Variants in MAST2 observed in about 807,000 individuals in gnomAD.
The protein encoded by MAST2 is microtubule associated serine/threonine kinase 2.
A neutral mutation model predicts 147.4 loss-of-function variants in MAST2; 70 were observed. The ratio of observed to expected loss-of-function variants is 0.47; its 90% CI spans 0.39 to 0.58. MAST2 has a LOEUF of 0.58. Among genes scored for constraint, MAST2 ranks in the 20% least tolerant of loss-of-function variants. The pLI is 0.00. For synonymous variants in MAST2, 869 were observed against 896.8 expected (o/e 0.97, Z 0.55); for missense variants, 2,080 against 2,302.3 (o/e 0.90, Z 1.98).
intron 8 of MAST2, among the ~76,000 whole-genome samples, chr1:46,007,378 C>T (rs1326073980): frequency 1.3e-5 from 2 of 152,210 alleles, no homozygotes; most frequent in Non-Finnish European, 2.9e-5. Context: ...CAGTGCCTTT[C>T]TCTGTGTCAC....
At chr1:45,987,784 T>TTTTTTTTTTTTTTTTTTTTTTTTTC (rs1209770828) in intron 5 of MAST2, among the ~76,000 whole-genome samples, 1 of 140,572 alleles carries the variant, frequency 7.1e-6, no homozygotes, top group South Asian at 2.3e-4. Context: ...TTGATTTTTT[T>TTTTTTTTTTTTTTTTTTTTTTTTTC]TTTTTTTTTT....
At chr1:45,992,477 G>T (rs1426264817) in intron 5 of MAST2, among the ~76,000 whole-genome samples, 1 of 152,080 alleles carries the variant, frequency 6.6e-6, no homozygotes, top group East Asian at 1.9e-4. Context: ...TTCATAAGAG[G>T]TATTGGTCTG....
At chr1:45,956,474 T>G (rs1659677571) in intron 4 of MAST2, among the ~76,000 whole-genome samples, 1 of 152,188 alleles carries the variant, frequency 6.6e-6, no homozygotes, top group Non-Finnish European at 1.5e-5. Context: ...TTTCACAAAA[T>G]CCAGCATTTC....
intron 7 of MAST2, among the ~76,000 whole-genome samples, chr1:46,005,705 A>C (rs1032103203): frequency 2.0e-5 from 3 of 152,198 alleles, no homozygotes; most frequent in African/African-American, 7.2e-5. Flanking sequence ...TGCCTGCTGG[A>C]CATCAGGCCA....
intron 4 of MAST2, among the ~76,000 whole-genome samples, chr1:45,950,868 G>T (rs1171587688): frequency 1.3e-5 from 2 of 152,098 alleles, no homozygotes; most frequent in African/African-American, 2.4e-5. Flanking sequence ...GACTGCTTGA[G>T]CCCAGGAGTT....
intron 4 of MAST2, among the ~76,000 whole-genome samples, chr1:45,953,412 G>C (rs1659216328): frequency 6.6e-6 from 1 of 152,114 alleles, no homozygotes; most frequent in African/African-American, 2.4e-5. Context: ...AACCTCCTAT[G>C]CCCTGTGTAC....
At position 46,029,972 on chromosome 1, in the gene MAST2, G is replaced by T. The variant is rs1194217403; in HGVS notation, c.2443+19G>T. The T allele has an allele frequency of 1.2e-6, 2 of 1,613,584 alleles. No homozygotes were observed. Among genetic ancestry groups the T allele is most frequent in the Admixed American group, 1.7e-5 (1 of 59,986 alleles). On this transcript the variant is annotated intron_variant, in intron 20 of 28. Transcript: ENST00000361297. ...TTTGACAGTAAGGCCACCGATGGGT[G>T]GGGTGGAGGATGGGTCCTACCTGTT... is the stretch of plus-strand genomic sequence containing the variant.
intron 3 of MAST2, among the ~76,000 whole-genome samples, chr1:45,882,012 T>TTAAAA (rs1326093758): frequency 2.5e-5 from 1 of 39,834 alleles, no homozygotes; most frequent in Non-Finnish European, 4.7e-5. Context: ...CCGTCTCTAC[T>TTAAAA]AAAAAAAAAA....
At chr1:46,010,645 T>G (rs1456715664) in intron 9 of MAST2, 85 bp from the exon 10 acceptor site, 2 of 1,166,036 alleles carry the variant, frequency 1.7e-6, no homozygotes, top group Non-Finnish European at 2.5e-6. Flanking sequence ...GAGCCCATTA[T>G]TTTGCTATTT....
rs11312369 is a variant in MAST2 at position 45,933,585 on chromosome 1, CAAAAAAA to C, written c.501-25788_501-25782del. 1.7e-4 allele frequency among the ~76,000 whole-genome samples: 17 copies of C among 102,270 alleles called. No individual in the cohort carries two copies. In the East Asian group the frequency reaches 4.1e-3, roughly 25 times the overall value. 67.1% of individuals were successfully genotyped at this position (102,270 alleles called of 152,430 possible). A position where few individuals can be genotyped will look rare whatever the true frequency, so the allele number is the denominator to read the frequency against. On this transcript the variant is annotated intron_variant, in intron 4 of 28. Transcript: ENST00000361297. Reference sequence around the variant, plus strand: ...TGAAAACCCGTCTCTACTAAAAATGCAAAAAAAAAAAAAAAAAAATTAGCTGGGCATG... The same window carrying C: ...TGAAAACCCGTCTCTACTAAAAATGCAAAAAAAAAAAATTAGCTGGGCATG...
At position 46,022,894 on chromosome 1, in the gene MAST2, G is replaced by C. The variant is rs767005088; in HGVS notation, c.1424-16G>C. 1 of 1,609,168 alleles carries C rather than the reference G, an allele frequency of 6.2e-7. No individual in the cohort carries two copies. Among genetic ancestry groups the C allele is most frequent in the South Asian group, 1.1e-5 (1 of 90,954 alleles). The stretch of plus-strand genomic sequence containing the variant: ...ACATTGCCACGCACATTCTTCTCTT[G>C]TATCTTTGTTTCCAGAAATGGCCCA... On this transcript the variant is annotated splice_polypyrimidine_tract_variant and intron_variant, in intron 12 of 28. Coordinates refer to ENST00000361297, the MANE Select transcript of MAST2 (RefSeq NM_015112.3).
rs1646889593 is a variant in MAST2, at chr1:46,035,951, G to T, written c.5282G>T (p.Gly1761Val). The stretch of plus-strand genomic sequence containing the variant: ...AGAAGGCAGGACGTTCCATGCCGAG[G>T]CTGCCCCCTCACCCAGAAGTCTGAG... ...GDRRQDVPCR[G>V]CPLTQKSEPS... Residue 1761 changes from glycine (G) to valine (V), a missense_variant, in exon 29 of 29, where the codon GGC (glycine) becomes GTC (valine). Around this residue, in one of 4 missense-constraint regions of MAST2, gnomAD observed 1,278 missense variants for 1,304.2 expected, o/e 0.98. Transcript: ENST00000361297. The surrounding 1 kb of genome is among the most constrained non-coding windows in gnomAD (Gnocchi z 5.5). 1.2e-6 allele frequency: 2 copies of T among 1,613,848 alleles called. No individual in the cohort carries two copies. The highest frequency in any genetic ancestry group is 3.3e-5 in the Admixed American group (2 of 60,002).
rs572061799 is a variant in MAST2, at chr1:45,832,193, AAAAC to A, written c.468+2627_468+2630del. ...GCTTCCCTTTTAACCTCTGGAACCT[AAAAC>A]AAACAAACAAACAAGCAAAAATGGA... On this transcript the variant is annotated intron_variant, in intron 3 of 28. Transcript: ENST00000361297. Among the ~76,000 whole-genome samples, 107 of 152,216 alleles carry A rather than the reference AAAAC, an allele frequency of 7.0e-4. 1 individual carries two copies. The highest frequency in any genetic ancestry group is 2.3e-3 in the African/African-American group (96 of 41,530).
intron 5 of MAST2, among the ~76,000 whole-genome samples, chr1:45,971,020 C>T (rs1454353058): frequency 1.3e-5 from 2 of 152,078 alleles, no homozygotes; most frequent in Non-Finnish European, 2.9e-5. Context: ...AGATAACAGA[C>T]AAGCGATTTT....
rs1160061405 is a variant in MAST2 at position 46,029,251 on chromosome 1, T to C, written c.2219-215T>C. 8 of 551,320 alleles carry C rather than the reference T, an allele frequency of 1.5e-5. No individual in the cohort carries two copies. In the East Asian group the frequency reaches 2.2e-4, roughly 15 times the overall value. The allele number at this position is 551,320 out of a possible 1,614,324, so 34.2% of individuals were successfully genotyped here. ...TGTTTTGTGGAGTATAAAAGCAGGG[T>C]GAGCTAGAGCTTTGCAGTGCCTGCT... On this transcript the variant is annotated intron_variant, in intron 18 of 28. Transcript: ENST00000361297.
chr1:45,894,096 G>A (rs928785854), intron 4 of MAST2, among the ~76,000 whole-genome samples: 3 of 151,942 alleles, frequency 2.0e-5, no homozygotes, highest in African/African-American at 7.3e-5. Flanking sequence ...CACACCTGTG[G>A]TCCCAGCTAC....
intron 5 of MAST2, among the ~76,000 whole-genome samples, chr1:45,978,970 A>G (rs998249867): frequency 5.3e-5 from 8 of 152,188 alleles, no homozygotes; most frequent in African/African-American, 1.9e-4. Context: ...TGAATATACT[A>G]AAAACCTCTA....
intron 5 of MAST2, among the ~76,000 whole-genome samples, chr1:45,966,166 G>A (rs1661163812): frequency 6.6e-6 from 1 of 152,158 alleles, no homozygotes; most frequent in African/African-American, 2.4e-5. Context: ...ACGTACTGAA[G>A]TTTCCTCCAT....
rs550836569 is a variant in MAST2 at position 46,009,521 on chromosome 1, A to G, written c.978+1150A>G. 3.3e-5 allele frequency among the ~76,000 whole-genome samples: 5 copies of G among 152,334 alleles called. No individual in the cohort carries two copies. In the South Asian group the frequency reaches 1.0e-3, roughly 32 times the overall value. On this transcript the variant is annotated intron_variant, in intron 9 of 28. Coordinates refer to ENST00000361297, the MANE Select transcript of MAST2 (RefSeq NM_015112.3). ...TGGGCACTAGACAATAAGCATGAAG[A>G]AGGAGGCAGAACAAACACCTAGCAA...
Sources: gnomAD v4.1 joint callset for allele counts (sites outside exome capture counted in the v4.1 genomes callset) on GRCh38, gnomAD v4.1.1 for gene constraint, gnomAD v4.1.1 regional missense constraint, Gnocchi (gnomAD v3.1) non-coding constraint, MANE v1.5 for transcripts, NCBI Gene and HGNC (gene_info 2026-07-23, HGNC 2026-07-21) for gene names.